The following ST8SIA4 variants were observed in gnomAD, a reference collection of about 807,000 sequenced individuals.
ST8SIA4 encodes ST8 alpha-N-acetyl-neuraminide alpha-2,8-sialyltransferase 4.
In ST8SIA4, 15 loss-of-function variants were observed where a neutral mutation model predicts 33.9. The ratio of observed to expected loss-of-function variants is 0.44; its 90% CI spans 0.30 to 0.68. The LOEUF (loss-of-function observed/expected upper bound fraction) is 0.68, where lower values mean the gene tolerates loss of function less well. Ranked by LOEUF, ST8SIA4 falls within the 30% of genes least tolerant of loss-of-function variation. The pLI, the probability that ST8SIA4 is intolerant of heterozygous loss-of-function variation, is 0.10. For synonymous variants in ST8SIA4, 171 were observed against 151.2 expected, an observed-to-expected ratio of 1.13 and a Z score of -0.96; for missense variants, 321 against 428.0, an observed-to-expected ratio of 0.75 and a Z score of 2.21.
chr5:100,851,169 C>G (rs1309703694), intron 4 of ST8SIA4, among the ~76,000 whole-genome samples: 2 of 151,752 alleles, frequency 1.3e-5, no homozygotes, highest in Non-Finnish European at 2.9e-5. Context: ...CCATGTTGGC[C>G]AGGCTGGTCT....
intron 2 of ST8SIA4, among the ~76,000 whole-genome samples, chr5:100,887,591 A>T (rs1752567559): frequency 6.6e-6 from 1 of 151,990 alleles, no homozygotes; most frequent in Non-Finnish European, 1.5e-5. Flanking sequence ...TGCATATGCT[A>T]AGTAGGTAGA....
At chr5:100,823,312 C>T (rs1451915498) in intron 4 of ST8SIA4, among the ~76,000 whole-genome samples, 1 of 152,174 alleles carries the variant, frequency 6.6e-6, no homozygotes, top group African/African-American at 2.4e-5. Flanking sequence ...TATGAATAAT[C>T]CACCCCTTGT....
intron 4 of ST8SIA4, among the ~76,000 whole-genome samples, chr5:100,841,934 GT>G (rs1751479282): frequency 6.6e-6 from 1 of 151,798 alleles, no homozygotes; most frequent in South Asian, 2.1e-4. Flanking sequence ...TACCAAGCTG[GT>G]TTTGTTGCTT....
chr5:100,838,190 A>G (rs1251242532), intron 4 of ST8SIA4, among the ~76,000 whole-genome samples: 1 of 152,028 alleles, frequency 6.6e-6, no homozygotes, highest in Non-Finnish European at 1.5e-5. Context: ...CTGCCTCACC[A>G]TAATCATGAA....
chr5:100,831,369 C>T (rs572121875), intron 4 of ST8SIA4, among the ~76,000 whole-genome samples: 2 of 152,272 alleles, frequency 1.3e-5, no homozygotes, highest in Non-Finnish European at 2.9e-5. Context: ...GCAGGTGCCA[C>T]ATCAAGACAA....
rs758874664 is a variant in ST8SIA4 at position 100,895,683 on chromosome 5, T to G, written c.216A>C (p.Lys72Asn). 6.2e-7 allele frequency: 1 copy of G among 1,611,412 alleles called. No homozygotes were observed. The highest frequency in any genetic ancestry group is 8.5e-7 in the Non-Finnish European group (1 of 1,178,510). Reference protein sequence around the residue: ...SIFQHNVEGWKINSSLVLEIR... With the variant: ...SIFQHNVEGWNINSSLVLEIR... ...TCTCTAGGACCAAAGAGGAATTGAT[T>G]TTCCAACCTTCTACATTGTGCTGGA... The change falls in exon 2 of 5, where the codon AAA (lysine) becomes AAC (asparagine). Residue 72 changes from lysine (K) to asparagine (N), a missense_variant. Transcript: ENST00000231461.
chr5:100,885,214 T>C (rs1752510398), intron 3 of ST8SIA4: 1 of 301,456 alleles, frequency 3.3e-6, no homozygotes, highest in South Asian at 1.3e-4. Flanking sequence ...AAGGTTTCTC[T>C]TATAGTCTAA....
chr5:100,872,529 T>G (rs529168937), intron 3 of ST8SIA4, among the ~76,000 whole-genome samples: 1 of 151,942 alleles, frequency 6.6e-6, no homozygotes, highest in African/African-American at 2.4e-5. Context: ...AGGGACCAGA[T>G]AGAGATAATT....
At chr5:100,837,030 A>ACACACACC (rs1491491812) in intron 4 of ST8SIA4, among the ~76,000 whole-genome samples, 254 of 140,032 alleles carry the variant, frequency 1.8e-3, no homozygotes, top group African/African-American at 6.4e-3. Context: ...ACACACACAC[A>ACACACACC]CCGTAATACC....
intron 3 of ST8SIA4, among the ~76,000 whole-genome samples, chr5:100,857,247 T>C (rs545188691): frequency 6.6e-6 from 1 of 152,058 alleles, no homozygotes; most frequent in South Asian, 2.1e-4. Context: ...TTTATATTTA[T>C]ATAATCTAAT....
chr5:100,895,162 T>G (rs1346503019), intron 2 of ST8SIA4, among the ~76,000 whole-genome samples: 1 of 152,012 alleles, frequency 6.6e-6, no homozygotes, highest in Non-Finnish European at 1.5e-5. Context: ...AGAAAGCTTA[T>G]TTTCTGATTT....
intron 4 of ST8SIA4, among the ~76,000 whole-genome samples, chr5:100,832,682 G>A (rs556648414): frequency 2.6e-5 from 4 of 151,540 alleles, no homozygotes; most frequent in African/African-American, 9.7e-5. Context: ...TTTGCACAAA[G>A]GGTAACAAAT....
intron 4 of ST8SIA4, among the ~76,000 whole-genome samples, chr5:100,827,662 G>A (rs971266303): frequency 2.0e-5 from 3 of 152,170 alleles, no homozygotes; most frequent in African/African-American, 7.2e-5. Context: ...CATTCTGAAT[G>A]GCAGCTGGGA....
chr5:100,843,868 A>G (rs1381371319), intron 4 of ST8SIA4, among the ~76,000 whole-genome samples: 1 of 151,964 alleles, frequency 6.6e-6, no homozygotes, highest in Non-Finnish European at 1.5e-5. Flanking sequence ...GCCCCTAAGA[A>G]TGAATTAGCT....
At chr5:100,900,400 G>A (rs1752878544) in intron 1 of ST8SIA4, 2 of 456,154 alleles carry the variant, frequency 4.4e-6, no homozygotes, top group South Asian at 3.1e-5. Flanking sequence ...CACGTGGCTT[G>A]GGTAGAAAGA....
intron 1 of ST8SIA4, among the ~76,000 whole-genome samples, chr5:100,901,039 C>A (rs756124626): frequency 6.6e-6 from 1 of 152,224 alleles, no homozygotes; most frequent in African/African-American, 2.4e-5. Context: ...CGCCAGTGCC[C>A]GCCTCCTCTT....
At chr5:100,816,180 C>G (rs1750912189) in intron 4 of ST8SIA4, among the ~76,000 whole-genome samples, 1 of 152,188 alleles carries the variant, frequency 6.6e-6, no homozygotes, top group East Asian at 1.9e-4. Flanking sequence ...CTCCTTCCTC[C>G]TCACCATTTT....
In ST8SIA4 at chr5:100,808,397, T is replaced by C. The variant is rs1230549180; in HGVS notation, c.*3450A>G. On this transcript the variant is annotated 3_prime_UTR_variant, in exon 5 of 5. Coordinates refer to ENST00000231461, the MANE Select transcript of ST8SIA4 (RefSeq NM_005668.6). ...TTCAACAGTCCTGTGGGCTGAATCA[T>C]TAGATTTGCCAAGAAAATCTATTAC... 1 of 152,660 alleles carries C rather than the reference T, an allele frequency of 6.6e-6. No individual in the cohort carries two copies. Among genetic ancestry groups the C allele is most frequent in the Non-Finnish European group, 1.5e-5 (1 of 68,028 alleles). The allele number at this position is 152,660 out of a possible 1,614,324, so 9.5% of individuals were successfully genotyped here.
At chr5:100,892,123 A>T (rs985036172) in intron 2 of ST8SIA4, among the ~76,000 whole-genome samples, 3 of 152,134 alleles carry the variant, frequency 2.0e-5, no homozygotes, top group Non-Finnish European at 4.4e-5. Context: ...CTATACATCT[A>T]TAATTGATGT....
Sources: gnomAD v4.1 joint callset for allele counts (sites outside exome capture counted in the v4.1 genomes callset) on GRCh38, gnomAD v4.1.1 for gene constraint, MANE v1.5 for transcripts, NCBI Gene and HGNC (gene_info 2026-07-23, HGNC 2026-07-21) for gene names.